CPLX2: variants seen among roughly 807,000 people sequenced by gnomAD.
CPLX2 encodes complexin 2, also known as complexin-2.
A neutral mutation model predicts 16.3 loss-of-function variants in CPLX2; 5 were observed. The observed-to-expected ratio is 0.31, with a 90% CI of 0.16 to 0.64. CPLX2 has a LOEUF of 0.64. CPLX2 is among the 30% of genes least tolerant of loss of function. The probability of loss-of-function intolerance (pLI) is 0.79; values close to 1 mark genes in which losing one functional copy is unlikely to be tolerated. For missense variants in CPLX2, 144 were observed against 181.4 expected (o/e 0.79, Z 1.18); for synonymous variants, 89 against 73.2 (o/e 1.22, Z -1.10).
chr5:175,843,069 C>T lies in CPLX2; in HGVS notation c.-89+34001C>T, dbSNP rs889481500. 4.6e-5 allele frequency among the ~76,000 whole-genome samples: 7 copies of T among 152,290 alleles called. No individual in the cohort carries two copies. The East Asian group carries it at 1.3e-3, about 29-fold the overall frequency. On this transcript the variant is annotated intron_variant, in intron 2 of 4. Transcript: ENST00000359546. ...CAGGCTTGCCAGTGAAGGAGGTTAC[C>T]AGCGAGATGAGTCAGCCAGCCAGTC...
chr5:175,878,323 C>T (rs1044749553), intron 1 of CPLX2: 6 of 198,074 alleles, frequency 3.0e-5, no homozygotes, highest in African/African-American at 7.0e-5. Flanking sequence ...AAGGAAATGA[C>T]GGTGGCGTTG....
intron 2 of CPLX2, among the ~76,000 whole-genome samples, chr5:175,814,210 C>T (rs1758364364): frequency 6.6e-6 from 1 of 152,234 alleles, no homozygotes. Flanking sequence ...CCAGGCCCCA[C>T]CACAGCCTCC....
chr5:175,871,176 C>A (rs939753209), upstream of CPLX2, among the ~76,000 whole-genome samples: 1 of 151,752 alleles, frequency 6.6e-6, no homozygotes, highest in African/African-American at 2.4e-5. Flanking sequence ...ACCCCTTGCC[C>A]CCACCACTCC....
At chr5:175,840,523 G>A (rs116531226) in intron 2 of CPLX2, among the ~76,000 whole-genome samples, 3,579 of 152,232 alleles carry the variant, frequency 0.024, 81 homozygotes, top group Non-Finnish European at 0.033. Flanking sequence ...TCTAAAAGTC[G>A]GTGTATCCCA....
chr5:175,842,978 C>T (rs1412917455), intron 2 of CPLX2, among the ~76,000 whole-genome samples: 2 of 152,226 alleles, frequency 1.3e-5, no homozygotes, highest in Admixed American at 6.5e-5. Flanking sequence ...CTCCCTACCT[C>T]ATCCTTGGGA....
chr5:175,863,925 C>T (rs1021626590), intron 2 of CPLX2, among the ~76,000 whole-genome samples: 2 of 152,174 alleles, frequency 1.3e-5, no homozygotes, highest in Admixed American at 6.5e-5. Flanking sequence ...TTCCTCTAAG[C>T]TTTAAATTCT....
intron 2 of CPLX2, among the ~76,000 whole-genome samples, chr5:175,813,293 A>T (rs1758346390): frequency 6.6e-6 from 1 of 152,270 alleles, no homozygotes; most frequent in Admixed American, 6.5e-5. Flanking sequence ...AAATCAATTT[A>T]AAGAGAAATA....
At chr5:175,821,561 C>T (rs975670060) in intron 2 of CPLX2, among the ~76,000 whole-genome samples, 1 of 152,118 alleles carries the variant, frequency 6.6e-6, no homozygotes, top group Non-Finnish European at 1.5e-5. Context: ...GCACCTGTCA[C>T]CATGCCCGGC....
chr5:175,857,088 C>T (rs779971356), intron 2 of CPLX2, among the ~76,000 whole-genome samples: 1 of 152,216 alleles, frequency 6.6e-6, no homozygotes, highest in Non-Finnish European at 1.5e-5. Context: ...CTGATAGCAT[C>T]CAGGCCTCTC....
Position 175,882,609 on chromosome 5 carries a change from C to A in CPLX2, c.*2564C>A, listed in dbSNP as rs1230884899. The A allele has an allele frequency of 1.3e-5, 2 of 152,896 alleles. No individual in the cohort carries two copies. Among genetic ancestry groups the A allele is most frequent in the East Asian group, 3.9e-4 (2 of 5,166 alleles). 9.5% of individuals were successfully genotyped at this position (152,896 alleles called of 1,614,324 possible). ...CCCAGAGTGGGATCGGGGCTTTCAG[C>A]CCCACCCTGATGCCTGCCCTCCAGG... is the stretch of plus-strand genomic sequence containing the variant. On this transcript the variant is annotated 3_prime_UTR_variant, in exon 4 of 4. Transcript: ENST00000393745.
intron 1 of CPLX2, among the ~76,000 whole-genome samples, chr5:175,876,448 GAAGAA>G (rs1365301681): frequency 2.0e-5 from 3 of 152,144 alleles, no homozygotes; most frequent in Non-Finnish European, 2.9e-5. Context: ...CAAAGGAAGA[GAAGAA>G]AAGAGGAGAG....
upstream of CPLX2, among the ~76,000 whole-genome samples, chr5:175,870,596 G>C (rs1191900799): frequency 1.4e-5 from 2 of 144,900 alleles, no homozygotes; most frequent in Non-Finnish European, 3.0e-5. Context: ...GAATAAAAAG[G>C]CTCATTAGGT....
At position 175,845,644 on chromosome 5, in the gene CPLX2, G is replaced by C. The variant is rs1759028747; in HGVS notation, c.-88-33008G>C. Among the ~76,000 whole-genome samples, 1 of 152,208 alleles carries C rather than the reference G, an allele frequency of 6.6e-6. No homozygotes were observed. Among genetic ancestry groups the C allele is most frequent in the South Asian group, 2.1e-4 (1 of 4,836 alleles). Reference sequence around the variant, plus strand: ...GTAGTATCTTTGCTCCTACTGGACTGTGAGTCTCTTAAGGGCGGGGACTCA... The same window carrying C: ...GTAGTATCTTTGCTCCTACTGGACTCTGAGTCTCTTAAGGGCGGGGACTCA... On this transcript the variant is annotated intron_variant, in intron 2 of 4. Coordinates refer to the CPLX2 transcript ENST00000359546. The surrounding 1 kb of genome is among the most constrained non-coding windows in gnomAD (Gnocchi z 4.0).
At chr5:175,810,498 C>G (rs1208654972) in intron 2 of CPLX2, among the ~76,000 whole-genome samples, 4 of 152,352 alleles carry the variant, frequency 2.6e-5, no homozygotes, top group Admixed American at 2.0e-4. Context: ...CAAGAGCTGA[C>G]TCCAGCTTGT....
At chr5:175,812,065 G>C (rs574465417) in intron 2 of CPLX2, among the ~76,000 whole-genome samples, 2 of 152,340 alleles carry the variant, frequency 1.3e-5, no homozygotes, top group South Asian at 4.1e-4. Flanking sequence ...ACCATTGTAG[G>C]TGGGTCCTCC....
intron 1 of CPLX2, among the ~76,000 whole-genome samples, chr5:175,806,970 G>A (rs1026197825): frequency 6.6e-6 from 1 of 152,170 alleles, no homozygotes; most frequent in East Asian, 1.9e-4. Flanking sequence ...CCAGGCTAGC[G>A]GGAGTGTTAA....
At chr5:175,819,015 A>C (rs979545205) in intron 2 of CPLX2, among the ~76,000 whole-genome samples, 1 of 152,138 alleles carries the variant, frequency 6.6e-6, no homozygotes, top group Admixed American at 6.5e-5. Context: ...CATATAAATG[A>C]AATCACGCCG....
At chr5:175,822,734 G>A (rs1455018859) in intron 2 of CPLX2, among the ~76,000 whole-genome samples, 1 of 152,152 alleles carries the variant, frequency 6.6e-6, no homozygotes, top group Non-Finnish European at 1.5e-5. Flanking sequence ...AGTGAAAATC[G>A]GGCACCCATT....
chr5:175,873,105 TCCCACCCACCCCCACC>T (rs1230263812), intron 1 of CPLX2: 1 of 21,290 alleles, frequency 4.7e-5, no homozygotes, highest in Non-Finnish European at 9.3e-5. Flanking sequence ...CCACCCCCAC[TCCCACCCACCCCCACC>T]CTCACCCCCC....
Sources: allele counts gnomAD v4.1 joint callset (sites outside exome capture counted in the v4.1 genomes callset), GRCh38; gene constraint gnomAD v4.1.1; non-coding constraint Gnocchi (gnomAD v3.1); transcripts MANE v1.5; gene names NCBI Gene and HGNC (gene_info 2026-07-23, HGNC 2026-07-21).